The following ZNF569 variants were observed in gnomAD, a reference collection of about 807,000 sequenced individuals.
The protein encoded by ZNF569 is DNA-binding protein.
ZNF569 carries 38 observed loss-of-function variants against 56.3 expected under a neutral mutation model. The observed-to-expected ratio is 0.68, with a 90% CI of 0.52 to 0.88. The LOEUF is 0.88. Ranked by LOEUF, ZNF569 falls within the 40% of genes least tolerant of loss-of-function variation. The pLI is 0.00. For synonymous variants in ZNF569, 241 were observed against 262.9 expected, an observed-to-expected ratio of 0.92 and a Z score of 0.81; for missense variants, 666 against 809.2, an observed-to-expected ratio of 0.82 and a Z score of 2.15.
At chr19:37,434,586 T>C (rs556796338) in intron 3 of ZNF569, among the ~76,000 whole-genome samples, 2 of 152,178 alleles carry the variant, frequency 1.3e-5, no homozygotes, top group East Asian at 3.9e-4. Context: ...AGCTACTCGG[T>C]GTCAAGCCTC....
In ZNF569 at chr19:37,426,383, A is replaced by G; in HGVS notation, c.16-5T>C. On this transcript the variant is annotated splice_region_variant and splice_polypyrimidine_tract_variant and intron_variant, in intron 3 of 5. Transcript: ENST00000316950. Reference sequence around the variant, plus strand: ...ATCTTTGAATGTTACTGTTCCCTGTAACAACACACTCCCACTCAATCTGAA... The same window carrying G: ...ATCTTTGAATGTTACTGTTCCCTGTGACAACACACTCCCACTCAATCTGAA... 1 of 1,599,506 alleles carries G rather than the reference A, an allele frequency of 6.3e-7. No individual in the cohort carries two copies. Among genetic ancestry groups the G allele is most frequent in the African/African-American group, 1.3e-5 (1 of 74,282 alleles).
intron 5 of ZNF569, chr19:37,425,652 A>C: frequency 2.7e-6 from 1 of 374,638 alleles, no homozygotes; most frequent in Non-Finnish European, 4.9e-6. Context: ...TTTTTAAGAG[A>C]TGAGGTCTCA....
chr19:37,463,452 G>A (rs1341883654), intron 2 of ZNF569, among the ~76,000 whole-genome samples: 1 of 152,200 alleles, frequency 6.6e-6, no homozygotes, highest in Non-Finnish European at 1.5e-5. Flanking sequence ...TGCACTGATA[G>A]TGGTATAAAA....
intron 5 of ZNF569, among the ~76,000 whole-genome samples, chr19:37,425,468 C>T (rs1045076657): frequency 5.3e-5 from 8 of 151,708 alleles, no homozygotes; most frequent in Admixed American, 4.6e-4. Context: ...ACTACAGGCG[C>T]GTGTCACCAC....
At chr19:37,449,937 T>C (rs972372943) in intron 2 of ZNF569, among the ~76,000 whole-genome samples, 29 of 152,190 alleles carry the variant, frequency 1.9e-4, no homozygotes, top group African/African-American at 6.5e-4. Flanking sequence ...CCTTTGTTCT[T>C]TTTCGCTCTC....
chr19:37,432,389 TG>T (rs2041240782), intron 3 of ZNF569, among the ~76,000 whole-genome samples: 1 of 152,224 alleles, frequency 6.6e-6, no homozygotes, highest in Non-Finnish European at 1.5e-5. Flanking sequence ...AGAATTCTTC[TG>T]GATCTTATCT....
intron 2 of ZNF569, among the ~76,000 whole-genome samples, chr19:37,462,263 T>A (rs2041768251): frequency 6.6e-6 from 1 of 152,122 alleles, no homozygotes; most frequent in African/African-American, 2.4e-5. Context: ...TGCCACTAGA[T>A]CTCATTTGCT....
chr19:37,450,455 T>A (rs781543264), intron 2 of ZNF569, among the ~76,000 whole-genome samples: 3 of 152,204 alleles, frequency 2.0e-5, no homozygotes, highest in African/African-American at 7.2e-5. Flanking sequence ...GTTCACAGTT[T>A]TTTCTTAAGA....
chr19:37,461,096 C>T lies in ZNF569; in HGVS notation c.-44+4217G>A, dbSNP rs1379988752. Among the ~76,000 whole-genome samples the T allele has an allele frequency of 2.0e-5, 3 of 152,232 alleles. No homozygotes were observed. The East Asian group carries it at 5.8e-4, about 29-fold the overall frequency. On this transcript the variant is annotated intron_variant, in intron 2 of 5. Coordinates refer to ENST00000316950, the MANE Select transcript of ZNF569 (RefSeq NM_152484.3). ...ATCCATTTATTCTGCCTTTTCTGTA[C>T]AAACTGTACCTAAGGGTGAACAAAG...
chr19:37,442,512 T>C (rs2041423574), intron 3 of ZNF569, among the ~76,000 whole-genome samples: 1 of 152,072 alleles, frequency 6.6e-6, no homozygotes, highest in African/African-American at 2.4e-5. Flanking sequence ...TTATTCCACA[T>C]GTAAAGGAAA....
chr19:37,468,046 TACTTA>T (rs2041878373), upstream of ZNF569: 2 of 928,692 alleles, frequency 2.2e-6, no homozygotes, highest in African/African-American at 1.7e-5. Context: ...TCAGACTAGG[TACTTA>T]ACTTCTCTAT....
intron 2 of ZNF569, among the ~76,000 whole-genome samples, chr19:37,447,500 T>A (rs1169450618): frequency 1.3e-5 from 2 of 152,212 alleles, no homozygotes; most frequent in Non-Finnish European, 2.9e-5. Context: ...AGGTTTATGG[T>A]AGATTCTTTG....
At chr19:37,446,509 C>T (rs1268207832) in intron 2 of ZNF569, among the ~76,000 whole-genome samples, 2 of 146,220 alleles carry the variant, frequency 1.4e-5, no homozygotes, top group Non-Finnish European at 3.0e-5. Flanking sequence ...AATATCACAC[C>T]ACTGCACTCC....
intron 2 of ZNF569, among the ~76,000 whole-genome samples, chr19:37,446,653 A>G (rs2041502896): frequency 6.6e-6 from 1 of 152,148 alleles, no homozygotes; most frequent in African/African-American, 2.4e-5. Context: ...ACCTGAAACC[A>G]TAAAAATTCT....
chr19:37,448,360 G>A (rs767177041), intron 2 of ZNF569, among the ~76,000 whole-genome samples: 28 of 152,066 alleles, frequency 1.8e-4, no homozygotes, highest in Non-Finnish European at 3.2e-4. Flanking sequence ...CAGGTATGGA[G>A]TTGTTTGCAG....
chr19:37,449,931 T>C (rs1249674781), intron 2 of ZNF569, among the ~76,000 whole-genome samples: 1 of 152,224 alleles, frequency 6.6e-6, no homozygotes, highest in Non-Finnish European at 1.5e-5. Context: ...TTTGCTCCTT[T>C]GTTCTTTTTC....
At chr19:37,427,834 G>C (rs1457434935) in intron 3 of ZNF569, 1 of 516,260 alleles carries the variant, frequency 1.9e-6, no homozygotes, top group Non-Finnish European at 3.9e-6. Context: ...AAAGCATTTG[G>C]TGAGGAAGTG....
At chr19:37,441,853 C>G (rs1156338513) in intron 3 of ZNF569, among the ~76,000 whole-genome samples, 2 of 152,104 alleles carry the variant, frequency 1.3e-5, no homozygotes, top group Non-Finnish European at 1.5e-5. Context: ...CACTGAATGT[C>G]CTGAAAAAGG....
intron 3 of ZNF569, among the ~76,000 whole-genome samples, chr19:37,433,833 C>A (rs558150768): frequency 4.0e-4 from 61 of 152,240 alleles, no homozygotes; most frequent in African/African-American, 1.4e-3. Context: ...CAACACCAGA[C>A]CTGTCCTACA....
Sources: allele counts gnomAD v4.1 joint callset (sites outside exome capture counted in the v4.1 genomes callset), GRCh38; gene constraint gnomAD v4.1.1; transcripts MANE v1.5; gene names NCBI Gene and HGNC (gene_info 2026-07-23, HGNC 2026-07-21).